LRRTM4: variants seen among roughly 807,000 people sequenced by gnomAD.
LRRTM4 encodes the protein leucine rich repeat transmembrane neuronal 4.
Under a neutral mutation model 47.6 loss-of-function variants are expected in LRRTM4, and 25 were observed. The ratio of observed to expected loss-of-function variants is 0.53; its 90% CI spans 0.38 to 0.73. LRRTM4 has a LOEUF of 0.73. Among genes scored for constraint, LRRTM4 ranks in the 30% least tolerant of loss-of-function variants. The pLI is 0.00. For synonymous variants in LRRTM4, 311 were observed against 269.5 expected, an observed-to-expected ratio of 1.15 and a Z score of -1.51; for missense variants, 638 against 713.4, an observed-to-expected ratio of 0.89 and a Z score of 1.20.
At chr2:76,787,634 A>C (rs893221778) in intron 3 of LRRTM4, among the ~76,000 whole-genome samples, 1 of 151,906 alleles carries the variant, frequency 6.6e-6, no homozygotes, top group African/African-American at 2.4e-5. Context: ...TGTGAGGATT[A>C]TTATAGGGAA....
intron 3 of LRRTM4, among the ~76,000 whole-genome samples, chr2:76,936,953 T>A (rs1211736089): frequency 1.8e-4 from 2 of 10,868 alleles, no homozygotes; most frequent in Non-Finnish European, 2.8e-4. Context: ...AGACTCCATC[T>A]CAAAAAAAAA....
intron 3 of LRRTM4, among the ~76,000 whole-genome samples, chr2:76,856,427 A>G (rs898989349): frequency 5.3e-5 from 8 of 152,296 alleles, no homozygotes; most frequent in Non-Finnish European, 8.8e-5. Flanking sequence ...ATATATGTAA[A>G]TATCAAAACA....
chr2:77,329,923 G>C (rs1670907062), intron 3 of LRRTM4, among the ~76,000 whole-genome samples: 1 of 152,152 alleles, frequency 6.6e-6, no homozygotes, highest in African/African-American at 2.4e-5. Flanking sequence ...ATAATCATGA[G>C]CTGAATTCAG....
At chr2:76,796,038 CAAAG>C (rs1675294805) in intron 3 of LRRTM4, among the ~76,000 whole-genome samples, 1 of 118,474 alleles carries the variant, frequency 8.4e-6, no homozygotes, top group African/African-American at 4.2e-5. Context: ...CTTTCTGAGT[CAAAG>C]AAAGGGGTGA....
At chr2:77,516,122 A>G (rs772313884) in intron 3 of LRRTM4, among the ~76,000 whole-genome samples, 1 of 151,770 alleles carries the variant, frequency 6.6e-6, no homozygotes, top group Non-Finnish European at 1.5e-5. Flanking sequence ...GAGCTACTTT[A>G]GTAAGGATTC....
intron 3 of LRRTM4, among the ~76,000 whole-genome samples, chr2:77,326,861 C>T (rs576010128): frequency 3.3e-5 from 5 of 152,310 alleles, no homozygotes; most frequent in South Asian, 2.1e-4. Flanking sequence ...GTCACAAAAA[C>T]GTCTTCACAT....
rs187222320 is a variant in LRRTM4, at chr2:77,347,232, T to A, written c.1551+171086A>T. ...CGGCCTCCTGTTCAGACCCAGGAGC[T>A]GTGATAGCTTCACACTGGTTCAATC... On this transcript the variant is annotated intron_variant, in intron 3 of 3. Transcript: ENST00000409884. Among the ~76,000 whole-genome samples, 44 of 152,322 alleles carry A rather than the reference T, an allele frequency of 2.9e-4. No individual in the cohort carries two copies. The East Asian group carries it at 8.3e-3, about 29-fold the overall frequency.
At chr2:77,079,318 T>C (rs935434249) in intron 3 of LRRTM4, among the ~76,000 whole-genome samples, 1 of 152,204 alleles carries the variant, frequency 6.6e-6, no homozygotes, top group African/African-American at 2.4e-5. Flanking sequence ...GCAAGCCAAA[T>C]ATGAACCAGT....
At chr2:76,874,982 T>C (rs529064579) in intron 3 of LRRTM4, among the ~76,000 whole-genome samples, 5 of 152,228 alleles carry the variant, frequency 3.3e-5, no homozygotes, top group Non-Finnish European at 5.9e-5. Context: ...GCATTTCTGG[T>C]CTCCAGCTTA....
At chr2:77,014,669 G>A (rs1482290281) in intron 3 of LRRTM4, among the ~76,000 whole-genome samples, 3 of 151,994 alleles carry the variant, frequency 2.0e-5, no homozygotes, top group Non-Finnish European at 4.4e-5. Context: ...AAAATTAGCT[G>A]GATGTGGTGG....
chr2:77,130,109 G>A (rs555089557), intron 3 of LRRTM4, among the ~76,000 whole-genome samples: 1 of 152,288 alleles, frequency 6.6e-6, no homozygotes, highest in African/African-American at 2.4e-5. Flanking sequence ...GTGGCTCAGG[G>A]CAAAGAATAT....
chr2:76,986,674 G>T (rs563375467), intron 3 of LRRTM4, among the ~76,000 whole-genome samples: 1 of 151,970 alleles, frequency 6.6e-6, no homozygotes, highest in East Asian at 1.9e-4. Context: ...AAGTTTGGTT[G>T]AAAAGAAAAT....
intron 3 of LRRTM4, among the ~76,000 whole-genome samples, chr2:76,775,971 T>C (rs554189660): frequency 6.9e-6 from 1 of 145,308 alleles, no homozygotes; most frequent in African/African-American, 2.6e-5. Context: ...TATGATCTTA[T>C]TGTTCACTTC....
chr2:77,326,079 G>A (rs1670764049), intron 3 of LRRTM4, among the ~76,000 whole-genome samples: 1 of 152,164 alleles, frequency 6.6e-6, no homozygotes, highest in Non-Finnish European at 1.5e-5. Context: ...GAGGAAAGGA[G>A]CCAAAGACAC....
intron 3 of LRRTM4, among the ~76,000 whole-genome samples, chr2:77,246,118 G>A (rs1675439090): frequency 6.6e-6 from 1 of 152,124 alleles, no homozygotes; most frequent in African/African-American, 2.4e-5. Flanking sequence ...TGAAATGTGT[G>A]TGATTCTAGA....
At chr2:76,798,427 A>G (rs1675475049) in intron 3 of LRRTM4, among the ~76,000 whole-genome samples, 1 of 151,476 alleles carries the variant, frequency 6.6e-6, no homozygotes, top group Admixed American at 6.6e-5. Context: ...AACATACCAG[A>G]ATCTCTGGGA....
intron 3 of LRRTM4, among the ~76,000 whole-genome samples, chr2:77,083,826 A>G (rs564081486): frequency 3.8e-5 from 2 of 53,098 alleles, no homozygotes; most frequent in Non-Finnish European, 4.2e-5. Flanking sequence ...TTTTTTTCAG[A>G]CGGAGTCTCG....
chr2:76,813,503 T>C (rs1015949039), intron 3 of LRRTM4, among the ~76,000 whole-genome samples: 3 of 152,176 alleles, frequency 2.0e-5, no homozygotes, highest in Non-Finnish European at 2.9e-5. Flanking sequence ...TTTGTTCTTA[T>C]GTGATATTCT....
rs1679330842 is a variant in LRRTM4 at position 77,518,612 on chromosome 2, A to G, written c.1257T>C (p.His419=). 6.2e-7 allele frequency: 1 copy of G among 1,613,378 alleles called. No individual in the cohort carries two copies. Among genetic ancestry groups the G allele is most frequent in the African/African-American group, 1.3e-5 (1 of 74,860 alleles). ...QIPGAEQEYE[H]VSFHKIIAGS... ...CGGCAATAATTTTGTGAAATGAAAC[A>G]TGCTCATACTCTTGCTCTGCGCCAG... Residue 419 remains histidine (H), a synonymous_variant, in exon 3 of 4, where the codon CAT becomes CAC. Transcript: ENST00000409884.
Sources: allele counts gnomAD v4.1 joint callset (sites outside exome capture counted in the v4.1 genomes callset), GRCh38; gene constraint gnomAD v4.1.1; transcripts MANE v1.5; gene names NCBI Gene and HGNC (gene_info 2026-07-23, HGNC 2026-07-21).